Variants in TMPRSS12 observed in about 807,000 individuals in gnomAD.
TMPRSS12 encodes the protein transmembrane protease serine 12.
TMPRSS12 carries 25 observed loss-of-function variants against 26.0 expected under a neutral mutation model. That is an observed-to-expected ratio of 0.96 (90% CI 0.70 to 1.34). The LOEUF is 1.34. TMPRSS12 is among the 40% of genes most tolerant of loss of function. TMPRSS12 has a pLI of 0.00. For synonymous variants in TMPRSS12, 150 were observed against 161.7 expected (o/e 0.93, Z 0.55); for missense variants, 441 against 440.1 (o/e 1.00, Z -0.02).
At chr12:50,872,445 G>A (rs1348349197) in intron 3 of TMPRSS12, among the ~76,000 whole-genome samples, 7 of 142,720 alleles carry the variant, frequency 4.9e-5, no homozygotes, top group South Asian at 2.3e-4. Flanking sequence ...CCCGGGAAGC[G>A]GAGCTTGCAG....
intron 3 of TMPRSS12, among the ~76,000 whole-genome samples, chr12:50,867,090 A>G (rs1937998286): frequency 6.6e-6 from 1 of 152,224 alleles, no homozygotes; most frequent in Non-Finnish European, 1.5e-5. Flanking sequence ...CACTCCCCAA[A>G]AAATCACACT....
Position 50,844,003 on chromosome 12 carries a change from G to GTCC in TMPRSS12, c.352_354dup (p.Leu118dup). On this transcript the variant is annotated inframe_insertion, in exon 2 of 5. Coordinates refer to ENST00000398458, the MANE Select transcript of TMPRSS12 (RefSeq NM_182559.3). The stretch of plus-strand genomic sequence containing the variant: ...GGGAACCCTAGTGAGAGAGAGGTGG[G>GTCC]TCCTCACAGCTGCCCACTGCACTAA... 6.2e-7 allele frequency: 1 copy of GTCC among 1,601,316 alleles called. No individual in the cohort carries two copies. The highest frequency in any genetic ancestry group is 8.5e-7 in the Non-Finnish European group (1 of 1,174,362).
intron 4 of TMPRSS12, 187 bp from the exon 5 acceptor site, chr12:50,887,075 A>T: frequency 1.7e-6 from 1 of 597,422 alleles, no homozygotes. Flanking sequence ...ATACCTGGGT[A>T]AAATTGAATT....
chr12:50,856,934 C>T (rs1937883902), intron 2 of TMPRSS12, among the ~76,000 whole-genome samples: 1 of 152,128 alleles, frequency 6.6e-6, no homozygotes, highest in Non-Finnish European at 1.5e-5. Flanking sequence ...AAGCAATCTG[C>T]CTGTCTCGGC....
chr12:50,883,671 G>C (rs1194918566), intron 3 of TMPRSS12, among the ~76,000 whole-genome samples: 1 of 152,094 alleles, frequency 6.6e-6, no homozygotes, highest in Non-Finnish European at 1.5e-5. Flanking sequence ...GCAAGATTCT[G>C]TCTCAAAAAG....
Position 50,843,860 on chromosome 12 carries a change from T to G in TMPRSS12, c.206T>G (p.Leu69Arg). Residue 69 changes from leucine (L) to arginine (R), a missense_variant, in exon 2 of 5, where the codon CTT (leucine) becomes CGT (arginine). Transcript: ENST00000398458. ...TTTTTAGATTGTGGAACAGCACCGCTTAAGGATGTGTTGCAAGGGTCTCGG... is the reference window on the plus strand; with the variant it reads ...TTTTTAGATTGTGGAACAGCACCGCGTAAGGATGTGTTGCAAGGGTCTCGG... ...AHAEDCGTAP[L>R]KDVLQGSRII... 2 of 1,556,410 alleles carry G rather than the reference T, an allele frequency of 1.3e-6. No individual in the cohort carries two copies. The highest frequency in any genetic ancestry group is 1.7e-6 in the Non-Finnish European group (2 of 1,149,968).
intron 3 of TMPRSS12, among the ~76,000 whole-genome samples, chr12:50,882,714 A>T (rs958739982): frequency 6.6e-6 from 1 of 152,250 alleles, no homozygotes; most frequent in Non-Finnish European, 1.5e-5. Context: ...ACCAAAACTG[A>T]CCAAAGAAGA....
chr12:50,848,596 T>C (rs1937795821), intron 2 of TMPRSS12, among the ~76,000 whole-genome samples: 2 of 152,238 alleles, frequency 1.3e-5, no homozygotes, highest in Non-Finnish European at 2.9e-5. Flanking sequence ...TACCTCATAA[T>C]CTTTCAGTTT....
chr12:50,850,492 A>G lies in TMPRSS12; in HGVS notation c.383+6455A>G, dbSNP rs537835778. 9.2e-5 allele frequency among the ~76,000 whole-genome samples: 14 copies of G among 152,238 alleles called. No individual in the cohort carries two copies. The East Asian group carries it at 2.5e-3, about 27-fold the overall frequency. ...CTACTAAGGATGCTGAAGTGAGAGG[A>G]TTGCTTGAGCCTAGGGGGTTGACGC... On this transcript the variant is annotated intron_variant, in intron 2 of 4. Coordinates refer to ENST00000398458, the MANE Select transcript of TMPRSS12 (RefSeq NM_182559.3).
At chr12:50,885,415 A>G in intron 4 of TMPRSS12, 27 bp downstream of exon 4, 2 of 1,613,520 alleles carry the variant, frequency 1.2e-6, no homozygotes, top group Non-Finnish European at 1.7e-6. Flanking sequence ...TTCCTTTAAA[A>G]TATTTTCTGA....
In TMPRSS12 at chr12:50,843,057, C is replaced by T. The variant is rs768456691; in HGVS notation, c.93C>T (p.Leu31=). 6 of 1,597,926 alleles carry T rather than the reference C, an allele frequency of 3.8e-6. No homozygotes were observed. The Admixed American group carries it at 7.0e-5, about 19-fold the overall frequency. Residue 31 remains leucine, a synonymous_variant, in exon 1 of 5, where the codon CTC becomes CTT. Coordinates refer to ENST00000398458, the MANE Select transcript of TMPRSS12 (RefSeq NM_182559.3). ...ACTCGCCCTCTGGAAGGCACAGGCT[C>T]GGCCCCTCGCCGGAACCGGCGGCTA... ...DHYSPSGRHR[L]GPSPEPAASS...
At chr12:50,879,568 T>C (rs906876804) in intron 3 of TMPRSS12, among the ~76,000 whole-genome samples, 3 of 152,184 alleles carry the variant, frequency 2.0e-5, no homozygotes, top group African/African-American at 7.2e-5. Flanking sequence ...TGAACCAAAA[T>C]GATGTAAAGC....
At chr12:50,848,918 G>A (rs1179775583) in intron 2 of TMPRSS12, among the ~76,000 whole-genome samples, 1 of 152,206 alleles carries the variant, frequency 6.6e-6, no homozygotes, top group Non-Finnish European at 1.5e-5. Context: ...AGGCTGGAGT[G>A]CAGTAGCACA....
chr12:50,850,928 C>T (rs907595766), intron 2 of TMPRSS12, among the ~76,000 whole-genome samples: 1 of 152,044 alleles, frequency 6.6e-6, no homozygotes, highest in Non-Finnish European at 1.5e-5. Context: ...ACCTTATAGC[C>T]CAGGCATGCT....
intron 4 of TMPRSS12, 99 bp downstream of exon 4, chr12:50,885,487 G>A (rs754300373): frequency 7.5e-7 from 1 of 1,336,564 alleles, no homozygotes; most frequent in Admixed American, 1.7e-5. Flanking sequence ...TAATTATCAG[G>A]CCTAAAAATA....
chr12:50,878,584 ATTAAT>A (rs1408555896), intron 3 of TMPRSS12, among the ~76,000 whole-genome samples: 2 of 152,208 alleles, frequency 1.3e-5, no homozygotes, highest in African/African-American at 4.8e-5. Flanking sequence ...CTCTAAAAAA[ATTAAT>A]TTAATTTTTG....
intron 3 of TMPRSS12, among the ~76,000 whole-genome samples, chr12:50,873,063 T>C (rs895933749): frequency 6.6e-5 from 10 of 151,832 alleles, no homozygotes; most frequent in African/African-American, 2.2e-4. Context: ...TGGAGACTAT[T>C]ATTCTAAGTG....
rs1938242403 is a variant in TMPRSS12 at position 50,887,714 on chromosome 12, T to C, written c.*201T>C. The C allele has an allele frequency of 3.7e-6, 2 of 544,126 alleles. No individual in the cohort carries two copies. Among genetic ancestry groups the C allele is most frequent in the Non-Finnish European group, 6.2e-6 (2 of 322,390 alleles). The allele number at this position is 544,126 out of a possible 1,614,324, so 33.7% of individuals were successfully genotyped here. On this transcript the variant is annotated 3_prime_UTR_variant, in exon 5 of 5. Transcript: ENST00000398458. ...CACATGTCTCCTTGAAATATCTTGA[T>C]TATTTTATAATCATAATTCTGTATC...
intron 3 of TMPRSS12, among the ~76,000 whole-genome samples, chr12:50,883,328 G>T (rs931147913): frequency 6.6e-6 from 1 of 152,060 alleles, no homozygotes; most frequent in African/African-American, 2.4e-5. Flanking sequence ...AGAGCAGGAC[G>T]CTGACTCAAA....
Sources: gnomAD v4.1 joint callset for allele counts (sites outside exome capture counted in the v4.1 genomes callset) on GRCh38, gnomAD v4.1.1 for gene constraint, MANE v1.5 for transcripts, NCBI Gene and HGNC (gene_info 2026-07-23, HGNC 2026-07-21) for gene names.